HCRTR2: variants seen among roughly 807,000 people sequenced by gnomAD.
HCRTR2 encodes hypocretin receptor 2, also known as orexin receptor type 2.
In HCRTR2, 22 loss-of-function variants were observed where a neutral mutation model predicts 49.0. The observed-to-expected ratio is 0.45, with a 90% CI of 0.32 to 0.64. The LOEUF (loss-of-function observed/expected upper bound fraction) is 0.64, where lower values mean the gene tolerates loss of function less well. Among genes scored for constraint, HCRTR2 ranks in the 30% least tolerant of loss-of-function variants. The pLI is 0.04. For missense variants in HCRTR2, 491 were observed against 559.4 expected, an observed-to-expected ratio of 0.88 and a Z score of 1.23; for synonymous variants, 236 against 205.3, an observed-to-expected ratio of 1.15 and a Z score of -1.28.
At chr6:55,174,855 C>A in intron 1 of HCRTR2, 45 bp downstream of exon 1, 1 of 1,513,978 alleles carries the variant, frequency 6.6e-7, no homozygotes, top group Non-Finnish European at 9.2e-7. Flanking sequence ...ATCACCCCCT[C>A]TCCGCCCCGG....
At chr6:55,220,375 T>C (rs933627439) in intron 1 of HCRTR2, among the ~76,000 whole-genome samples, 11 of 152,184 alleles carry the variant, frequency 7.2e-5, no homozygotes, top group African/African-American at 2.7e-4. Flanking sequence ...AAGTTGAATT[T>C]ATCTCTGGAA....
At chr6:55,215,963 C>T (rs1214337058) in intron 1 of HCRTR2, among the ~76,000 whole-genome samples, 2 of 152,164 alleles carry the variant, frequency 1.3e-5, no homozygotes, top group Non-Finnish European at 2.9e-5. Context: ...TGAGTTGCTG[C>T]CTCTGTTGAG....
intron 1 of HCRTR2, among the ~76,000 whole-genome samples, chr6:55,127,799 T>C (rs1315846518): frequency 2.0e-5 from 2 of 98,306 alleles, no homozygotes; most frequent in African/African-American, 4.7e-5. Context: ...ATCTCATCAA[T>C]GTCCAAAAGG....
At chr6:55,283,863 A>G (rs935751685), downstream of HCRTR2, among the ~76,000 whole-genome samples, 1 of 152,190 alleles carries the variant, frequency 6.6e-6, no homozygotes, top group African/African-American at 2.4e-5. Context: ...ACTTGTTTTC[A>G]AATCTTGGAA....
At chr6:55,144,414 A>G (rs1301733811) in intron 1 of HCRTR2, among the ~76,000 whole-genome samples, 3 of 151,776 alleles carry the variant, frequency 2.0e-5, no homozygotes, top group African/African-American at 4.8e-5. Flanking sequence ...ACCTTCCACC[A>G]TGACAGCTCT....
chr6:55,118,362 T>A (rs1277036858), intron 1 of HCRTR2, among the ~76,000 whole-genome samples: 1 of 151,968 alleles, frequency 6.6e-6, no homozygotes, highest in Non-Finnish European at 1.5e-5. Flanking sequence ...AATGAACATA[T>A]GTGTGCATGT....
At chr6:55,141,300 C>A (rs758331000) in intron 1 of HCRTR2, among the ~76,000 whole-genome samples, 1 of 151,836 alleles carries the variant, frequency 6.6e-6, no homozygotes, top group Non-Finnish European at 1.5e-5. Flanking sequence ...GCCGAGATTG[C>A]GCCACTGCAC....
chr6:55,221,452 C>T (rs1183913071), intron 1 of HCRTR2, among the ~76,000 whole-genome samples: 2 of 152,074 alleles, frequency 1.3e-5, no homozygotes, highest in Non-Finnish European at 2.9e-5. Flanking sequence ...GTTGGGAAAA[C>T]TAGATAGCCA....
At chr6:55,279,568 C>T (rs886654468) in intron 5 of HCRTR2, among the ~76,000 whole-genome samples, 34 of 142,818 alleles carry the variant, frequency 2.4e-4, no homozygotes, top group African/African-American at 8.4e-4. Context: ...TACAGACAAT[C>T]GAAGATGGAG....
At chr6:55,275,575 C>T (rs1215886318) in intron 4 of HCRTR2, among the ~76,000 whole-genome samples, 2 of 150,560 alleles carry the variant, frequency 1.3e-5, no homozygotes, top group African/African-American at 4.9e-5. Flanking sequence ...TTCCCGATTT[C>T]AGGGACCATA....
chr6:55,114,497 A>G (rs533702325), intron 1 of HCRTR2, among the ~76,000 whole-genome samples: 1 of 151,752 alleles, frequency 6.6e-6, no homozygotes, highest in East Asian at 1.9e-4. Flanking sequence ...TCAAATGACA[A>G]TATGTTTCCA....
intron 1 of HCRTR2, among the ~76,000 whole-genome samples, chr6:55,177,559 G>C (rs1189719222): frequency 1.3e-5 from 2 of 152,124 alleles, no homozygotes; most frequent in African/African-American, 4.8e-5. Context: ...CACAGTGTAG[G>C]CAGCAGATGT....
At chr6:55,218,342 C>T (rs1037499930) in intron 1 of HCRTR2, among the ~76,000 whole-genome samples, 1 of 151,922 alleles carries the variant, frequency 6.6e-6, no homozygotes, top group Non-Finnish European at 1.5e-5. Context: ...AGTAAGAGAG[C>T]AAAATACAGA....
chr6:55,121,642 C>A (rs939410035), intron 1 of HCRTR2, among the ~76,000 whole-genome samples: 13 of 152,110 alleles, frequency 8.5e-5, no homozygotes, highest in Non-Finnish European at 1.6e-4. Flanking sequence ...CCCATCAATA[C>A]CTAACTTATT....
At chr6:55,187,715 A>G (rs1223495701) in intron 1 of HCRTR2, among the ~76,000 whole-genome samples, 1 of 122,576 alleles carries the variant, frequency 8.2e-6, no homozygotes, top group Non-Finnish European at 1.6e-5. Flanking sequence ...ACAGGTAGTG[A>G]CATTCAGTAT....
intron 1 of HCRTR2, among the ~76,000 whole-genome samples, chr6:55,167,218 A>T (rs781026255): frequency 2.6e-5 from 4 of 152,166 alleles, no homozygotes; most frequent in African/African-American, 9.7e-5. Flanking sequence ...ATTTCCACAC[A>T]AGGTGGGATC....
chr6:55,282,220 G>T lies in HCRTR2; in HGVS notation c.1106-5G>T. The T allele has an allele frequency of 6.2e-7, 1 of 1,603,762 alleles. No homozygotes were observed. Among genetic ancestry groups the T allele is most frequent in the Non-Finnish European group, 8.5e-7 (1 of 1,171,334 alleles). On this transcript the variant is annotated splice_polypyrimidine_tract_variant and splice_region_variant and intron_variant, in intron 6 of 6. Coordinates refer to ENST00000370862, the MANE Select transcript of HCRTR2 (RefSeq NM_001384272.1). ...CCTTTTCCTTTCATTCTCTCTGTTT[G>T]CCAGGAAAATTTCGAGAGGAATTTA...
At chr6:55,255,402 A>C (rs1456928936) in intron 3 of HCRTR2, 23 bp downstream of exon 3, 13 of 1,613,372 alleles carry the variant, frequency 8.1e-6, no homozygotes, top group Non-Finnish European at 1.1e-5. Flanking sequence ...TGGCCCATCA[A>C]CTGACATTTA....
intron 1 of HCRTR2, among the ~76,000 whole-genome samples, chr6:55,169,304 G>A (rs1305104402): frequency 1.3e-5 from 2 of 151,944 alleles, no homozygotes; most frequent in East Asian, 3.9e-4. Context: ...ATGGAACGGA[G>A]AGAACCTTGT....
Sources: gnomAD v4.1 joint callset for allele counts (sites outside exome capture counted in the v4.1 genomes callset) on GRCh38, gnomAD v4.1.1 for gene constraint, MANE v1.5 for transcripts, NCBI Gene and HGNC (gene_info 2026-07-23, HGNC 2026-07-21) for gene names.